Variants in PKHD1 observed in about 807,000 individuals in gnomAD.
PKHD1 encodes the protein fibrocystin.
A neutral mutation model predicts 412.0 loss-of-function variants in PKHD1; 291 were observed. The observed-to-expected ratio is 0.71, with a 90% CI of 0.64 to 0.78. The LOEUF (loss-of-function observed/expected upper bound fraction) is 0.78, where lower values mean the gene tolerates loss of function less well. Among genes scored for constraint, PKHD1 ranks in the 30% least tolerant of loss-of-function variants. The pLI, the probability that PKHD1 is intolerant of heterozygous loss-of-function variation, is 0.00. For missense variants in PKHD1, 4,825 were observed against 4,950.7 expected, an observed-to-expected ratio of 0.97 and a Z score of 0.76; for synonymous variants, 1,777 against 1,821.5, an observed-to-expected ratio of 0.98 and a Z score of 0.62.
rs1444804037 is a variant in PKHD1 at position 51,772,783 on chromosome 6, T to G, written c.8561A>C (p.Tyr2854Ser). 6.4e-7 allele frequency: 1 copy of G among 1,565,246 alleles called. No individual in the cohort carries two copies. The highest frequency in any genetic ancestry group is 8.8e-7 in the Non-Finnish European group (1 of 1,136,082). The change falls in exon 55 of 67, where the codon TAT becomes TCT. Residue 2854 changes from tyrosine to serine, a missense_variant. Transcript: ENST00000371117. ...AGCACTGTAAAGATGAACTTTCCCA[T>G]AAACCCCTGAAAATAAAAGGAGTAA... ...IHIDPGTIGV[Y>S]GKVHLYSAYP...
intron 60 of PKHD1, among the ~76,000 whole-genome samples, chr6:51,711,978 G>T (rs1780713548): frequency 6.6e-6 from 1 of 152,158 alleles, no homozygotes; most frequent in Admixed American, 6.5e-5. Flanking sequence ...ACTAGGAGTA[G>T]CATGTGAATC....
intron 29 of PKHD1, among the ~76,000 whole-genome samples, chr6:52,029,439 G>A (rs776133945): frequency 6.6e-6 from 1 of 152,046 alleles, no homozygotes; most frequent in Non-Finnish European, 1.5e-5. Context: ...AAGCCTCAAC[G>A]GTAGTAAAAT....
At chr6:51,703,069 AT>A (rs1156514040) in intron 60 of PKHD1, among the ~76,000 whole-genome samples, 2 of 151,986 alleles carry the variant, frequency 1.3e-5, no homozygotes, top group Non-Finnish European at 2.9e-5. Context: ...GTGTGCTGCA[AT>A]AAATGTCTGT....
intron 60 of PKHD1, among the ~76,000 whole-genome samples, chr6:51,671,194 G>A (rs952774712): frequency 1.3e-3 from 201 of 152,074 alleles, no homozygotes; most frequent in Middle Eastern, 6.8e-3. Context: ...CCAATCAGAC[G>A]TAGATTTGGT....
At position 52,053,255 on chromosome 6, in the gene PKHD1, A is replaced by T. The variant is rs1169120149; in HGVS notation, c.1965-4T>A. ...GTCAGTGCAATCGAACTGCCAGCTGAAAAACAGCATGGAGCAGAACTGGGC... is the reference window on the plus strand; with the variant it reads ...GTCAGTGCAATCGAACTGCCAGCTGTAAAACAGCATGGAGCAGAACTGGGC... On this transcript the variant is annotated splice_region_variant and splice_polypyrimidine_tract_variant and intron_variant, in intron 20 of 66. Coordinates refer to ENST00000371117, the MANE Select transcript of PKHD1 (RefSeq NM_138694.4). 1.4e-5 allele frequency: 23 copies of T among 1,613,898 alleles called. No homozygotes were observed. Among genetic ancestry groups the T allele is most frequent in the Non-Finnish European group, 1.9e-5 (23 of 1,179,962 alleles).
chr6:51,982,177 G>A (rs1411375717), intron 35 of PKHD1, among the ~76,000 whole-genome samples: 20 of 43,806 alleles, frequency 4.6e-4, no homozygotes, highest in Admixed American at 9.5e-4. Flanking sequence ...CCCCGTCCGG[G>A]AGGGAGGTGG....
intron 3 of PKHD1, 21 bp from the exon 4 acceptor site, chr6:52,082,563 C>A (rs1812198860): frequency 1.2e-6 from 2 of 1,613,370 alleles, no homozygotes; most frequent in Admixed American, 1.7e-5. Flanking sequence ...GGAAAGAAAT[C>A]TCAGGCTGCA....
chr6:52,036,862 CA>C (rs2128171300), intron 27 of PKHD1, among the ~76,000 whole-genome samples: 1 of 152,202 alleles, frequency 6.6e-6, no homozygotes, highest in Non-Finnish European at 1.5e-5. Context: ...ATAAAGGTGA[CA>C]TATCTTTATA....
At position 51,754,823 on chromosome 6, in the gene PKHD1, G is replaced by C. The variant is rs770422968; in HGVS notation, c.8758C>G (p.His2920Asp). Residue 2920 changes from histidine to aspartate, a missense_variant, in exon 56 of 67, where the codon CAT (histidine) becomes GAT (aspartate). Transcript: ENST00000371117. ...TTGAGCCGTTCATAGATCCTCACAT[G>C]GTGGCCCTTGACTTCTTTCACAGTG... is the stretch of plus-strand genomic sequence containing the variant. ...VLTVKEVKGHHVRIYERLKHR... is the reference protein window; with the variant it reads ...VLTVKEVKGHDVRIYERLKHR... 2 of 1,613,342 alleles carry C rather than the reference G, an allele frequency of 1.2e-6. No homozygotes were observed. The highest frequency in any genetic ancestry group is 8.5e-7 in the Non-Finnish European group (1 of 1,179,514).
intron 7 of PKHD1, among the ~76,000 whole-genome samples, chr6:52,072,764 T>C (rs1291274733): frequency 2.6e-5 from 4 of 152,142 alleles, no homozygotes; most frequent in Non-Finnish European, 5.9e-5. Flanking sequence ...TTAGACACCA[T>C]GTATGGAATC....
chr6:51,900,608 TG>T (rs1338416894), intron 43 of PKHD1, among the ~76,000 whole-genome samples: 1 of 152,128 alleles, frequency 6.6e-6, no homozygotes, highest in East Asian at 1.9e-4. Context: ...GACATAGGCA[TG>T]GGCAAGGACT....
At chr6:51,650,430 G>A (rs966784825) in intron 61 of PKHD1, among the ~76,000 whole-genome samples, 2 of 136,370 alleles carry the variant, frequency 1.5e-5, no homozygotes, top group Non-Finnish European at 3.3e-5. Context: ...CCTAGGCCAG[G>A]TCTCATGAGG....
chr6:51,853,365 C>T (rs1772667296), intron 49 of PKHD1, among the ~76,000 whole-genome samples: 1 of 152,034 alleles, frequency 6.6e-6, no homozygotes, highest in Non-Finnish European at 1.5e-5. Context: ...TGACCTTGGA[C>T]AATCTGATAA....
intron 15 of PKHD1, 66 bp from the exon 16 acceptor site, chr6:52,058,667 T>G (rs574596112): frequency 3.1e-5 from 46 of 1,505,504 alleles, no homozygotes; most frequent in Non-Finnish European, 4.0e-5. Context: ...TCTCAAACAC[T>G]AAGTGTCTGA....
At chr6:51,645,723 A>G (rs1770009667) in intron 63 of PKHD1, among the ~76,000 whole-genome samples, 1 of 152,260 alleles carries the variant, frequency 6.6e-6, no homozygotes, top group Non-Finnish European at 1.5e-5. Context: ...CACATTTGAA[A>G]TCACAAAGAA....
At chr6:51,699,967 A>G (rs939160146) in intron 60 of PKHD1, among the ~76,000 whole-genome samples, 1 of 48,234 alleles carries the variant, frequency 2.1e-5, no homozygotes, top group Non-Finnish European at 6.7e-5. Flanking sequence ...AAAAACAGTA[A>G]TTTATTATTA....
chr6:52,013,041 A>G (rs1237356272), intron 34 of PKHD1, among the ~76,000 whole-genome samples: 1 of 152,150 alleles, frequency 6.6e-6, no homozygotes, highest in Non-Finnish European at 1.5e-5. Flanking sequence ...CTCATGGTTC[A>G]TTGCCAGCAA....
chr6:52,018,513 A>AATTATT (rs945300943), intron 33 of PKHD1, among the ~76,000 whole-genome samples: 100 of 151,968 alleles, frequency 6.6e-4, no homozygotes, highest in African/African-American at 2.3e-3. Flanking sequence ...TAGGTTGACC[A>AATTATT]ATTATTATTA....
chr6:51,836,192 T>C (rs1055520066), intron 51 of PKHD1, among the ~76,000 whole-genome samples: 1 of 152,244 alleles, frequency 6.6e-6, no homozygotes. Flanking sequence ...CTTACTTTCA[T>C]TGCTTTGAAA....
Sources: gnomAD v4.1 joint callset for allele counts (sites outside exome capture counted in the v4.1 genomes callset) on GRCh38, gnomAD v4.1.1 for gene constraint, MANE v1.5 for transcripts, NCBI Gene and HGNC (gene_info 2026-07-23, HGNC 2026-07-21) for gene names.